Variants in KCNN2 observed in about 807,000 individuals in gnomAD.
KCNN2 encodes the protein small conductance calcium-activated potassium channel protein 2.
In KCNN2, 24 loss-of-function variants were observed where a neutral mutation model predicts 55.5. The observed-to-expected ratio is 0.43, with a 90% CI of 0.31 to 0.61. The LOEUF is 0.61. Among genes scored for constraint, KCNN2 ranks in the 20% least tolerant of loss-of-function variants. The pLI, the probability that KCNN2 is intolerant of heterozygous loss-of-function variation, is 0.08. For synonymous variants in KCNN2, 431 were observed against 336.1 expected, an observed-to-expected ratio of 1.28 and a Z score of -3.09; for missense variants, 754 against 853.6, an observed-to-expected ratio of 0.88 and a Z score of 1.45.
intron 1 of KCNN2, among the ~76,000 whole-genome samples, chr5:114,094,724 T>C (rs543668066): frequency 4.6e-5 from 7 of 152,288 alleles, no homozygotes; most frequent in African/African-American, 1.7e-4. Flanking sequence ...AAAACCTATT[T>C]TGACAATTAT....
intron 3 of KCNN2, among the ~76,000 whole-genome samples, chr5:114,435,709 A>AT (rs1312322510): frequency 6.6e-6 from 1 of 152,162 alleles, no homozygotes; most frequent in Non-Finnish European, 1.5e-5. Context: ...TACATTTTAC[A>AT]TTCTTTTCAT....
chr5:114,284,592 A>T (rs1264490235), intron 2 of KCNN2, among the ~76,000 whole-genome samples: 3 of 152,086 alleles, frequency 2.0e-5, no homozygotes, highest in Non-Finnish European at 4.4e-5. Flanking sequence ...GTCTTGGCTC[A>T]CTGCAATCTT....
intron 3 of KCNN2, among the ~76,000 whole-genome samples, chr5:114,461,538 G>A (rs189782767): frequency 6.6e-6 from 1 of 152,240 alleles, no homozygotes; most frequent in Admixed American, 6.5e-5. Context: ...ACAGTAGCAG[G>A]AAACAGAATT....
At chr5:114,056,052 A>C (rs903730395), upstream of KCNN2, 4 of 269,566 alleles carry the variant, frequency 1.5e-5, no homozygotes, top group Non-Finnish European at 2.1e-5. Context: ...CAAGGACTCA[A>C]GAAGGAGGGA....
At chr5:114,226,598 C>G (rs754778003) in intron 2 of KCNN2, among the ~76,000 whole-genome samples, 1 of 151,974 alleles carries the variant, frequency 6.6e-6, no homozygotes, top group Non-Finnish European at 1.5e-5. Flanking sequence ...AGTTATTAAG[C>G]AACTGTCATG....
At chr5:114,075,858 G>C (rs1166767221) in intron 1 of KCNN2, among the ~76,000 whole-genome samples, 2 of 152,152 alleles carry the variant, frequency 1.3e-5, no homozygotes, top group Non-Finnish European at 2.9e-5. Context: ...ATTGGATGAT[G>C]AAAGAATACC....
intron 2 of KCNN2, among the ~76,000 whole-genome samples, chr5:114,328,921 G>A (rs963348797): frequency 8.5e-5 from 13 of 152,158 alleles, no homozygotes; most frequent in African/African-American, 3.1e-4. Flanking sequence ...AGTGTGTATA[G>A]TGTGTATTTC....
At chr5:114,106,827 T>A (rs1484767907) in intron 1 of KCNN2, among the ~76,000 whole-genome samples, 1 of 152,050 alleles carries the variant, frequency 6.6e-6, no homozygotes, top group Non-Finnish European at 1.5e-5. Flanking sequence ...CACTCAGTGG[T>A]TTGACTTCTT....
At chr5:114,479,988 T>C (rs1478015381) in intron 5 of KCNN2, among the ~76,000 whole-genome samples, 1 of 151,764 alleles carries the variant, frequency 6.6e-6, no homozygotes, top group Non-Finnish European at 1.5e-5. Context: ...ACCCCAAAGA[T>C]AGCAGAAGAC....
rs566283729 is a variant in KCNN2, at chr5:114,206,541, T to C, written c.-270-14939T>C. On this transcript the variant is annotated intron_variant, in intron 1 of 10. Transcript: ENST00000512097. ...AGCATGAAATCCAGGTCATTTTTTT[T>C]CCCCTGTGAATTTCTCTCAAATACC... is the stretch of plus-strand genomic sequence containing the variant. 6.8e-4 allele frequency among the ~76,000 whole-genome samples: 103 copies of C among 152,280 alleles called. 2 individuals carry two copies. Among genetic ancestry groups the C allele is most frequent in the Non-Finnish European group, 1.0e-3 (69 of 68,030 alleles).
intron 2 of KCNN2, among the ~76,000 whole-genome samples, chr5:114,223,104 A>G (rs955950292): frequency 6.6e-5 from 10 of 152,166 alleles, no homozygotes; most frequent in Admixed American, 2.6e-4. Flanking sequence ...CTTGCACTAC[A>G]TGTTTAAAAG....
At chr5:114,115,238 A>G (rs1305657060) in intron 1 of KCNN2, among the ~76,000 whole-genome samples, 1 of 152,104 alleles carries the variant, frequency 6.6e-6, no homozygotes, top group Non-Finnish European at 1.5e-5. Flanking sequence ...TGTTCCCGAA[A>G]ATGTCTAACT....
At chr5:114,162,118 C>G (rs1382025948) in intron 1 of KCNN2, among the ~76,000 whole-genome samples, 3 of 152,034 alleles carry the variant, frequency 2.0e-5, no homozygotes, top group African/African-American at 7.3e-5. Context: ...CTGTTGTTTC[C>G]CCATCTTTGT....
intron 2 of KCNN2, among the ~76,000 whole-genome samples, chr5:114,336,646 G>A (rs185246835): frequency 1.3e-5 from 2 of 152,290 alleles, no homozygotes; most frequent in East Asian, 3.9e-4. Flanking sequence ...ATCCAAATAA[G>A]GGACAGCAGT....
chr5:114,448,909 T>C (rs1760528639), intron 3 of KCNN2, among the ~76,000 whole-genome samples: 1 of 152,230 alleles, frequency 6.6e-6, no homozygotes, highest in African/African-American at 2.4e-5. Context: ...TATTTTTTTC[T>C]CAGTTGACTG....
chr5:114,169,709 G>A (rs565975194), intron 1 of KCNN2, among the ~76,000 whole-genome samples: 4 of 152,148 alleles, frequency 2.6e-5, no homozygotes, highest in African/African-American at 7.2e-5. Context: ...GAGAAGTGAG[G>A]TAGAAAGAGA....
intron 3 of KCNN2, among the ~76,000 whole-genome samples, chr5:114,451,658 A>C (rs186143650): frequency 1.3e-5 from 2 of 152,286 alleles, no homozygotes; most frequent in Admixed American, 1.3e-4. Flanking sequence ...GCACTTTGGG[A>C]GGCCAAGGCG....
chr5:114,286,345 G>T lies in KCNN2; in HGVS notation c.-185+64780G>T, dbSNP rs187679022. Among the ~76,000 whole-genome samples, 6 of 152,246 alleles carry T rather than the reference G, an allele frequency of 3.9e-5. No individual in the cohort carries two copies. The East Asian group carries it at 7.7e-4, about 20-fold the overall frequency. On this transcript the variant is annotated intron_variant, in intron 2 of 10. Transcript: ENST00000512097. The stretch of plus-strand genomic sequence containing the variant: ...AGAAGCAGTTAGAGATGTTTGAAAG[G>T]ATGCTCAACATGTTAGTCTGAAGCT...
intron 2 of KCNN2, among the ~76,000 whole-genome samples, chr5:114,400,886 A>G (rs1758765418): frequency 1.3e-5 from 2 of 151,550 alleles, no homozygotes; most frequent in South Asian, 2.1e-4. Context: ...ATTATTCTCT[A>G]TTTCATCTCT....
Sources: allele counts gnomAD v4.1 joint callset (sites outside exome capture counted in the v4.1 genomes callset), GRCh38; gene constraint gnomAD v4.1.1; transcripts MANE v1.5; gene names NCBI Gene and HGNC (gene_info 2026-07-23, HGNC 2026-07-21).